GRID2: variants seen among roughly 807,000 people sequenced by gnomAD.
GRID2 encodes the protein glutamate ionotropic receptor delta type subunit 2.
GRID2 carries 33 observed loss-of-function variants against 114.8 expected under a neutral mutation model. The ratio of observed to expected loss-of-function variants is 0.29; its 90% CI spans 0.22 to 0.38. GRID2 has a LOEUF of 0.38. Ranked by LOEUF, GRID2 falls within the 10% of genes least tolerant of loss-of-function variation. The pLI is 1.00. For missense variants in GRID2, 1,184 were observed against 1,257.7 expected (o/e 0.94, Z 0.89); for synonymous variants, 505 against 449.9 (o/e 1.12, Z -1.55).
intron 3 of GRID2, among the ~76,000 whole-genome samples, chr4:93,091,607 A>G (rs1288559668): frequency 6.6e-6 from 1 of 152,076 alleles, no homozygotes; most frequent in Non-Finnish European, 1.5e-5. Context: ...ATTTCATCCT[A>G]ATAACTGTGA....
intron 2 of GRID2, among the ~76,000 whole-genome samples, chr4:92,905,024 CTT>C (rs540670679): frequency 2.2e-3 from 337 of 152,042 alleles, no homozygotes; most frequent in African/African-American, 7.6e-3. Context: ...CTCTTGTGAC[CTT>C]TTAGGAATAC....
intron 13 of GRID2, among the ~76,000 whole-genome samples, chr4:93,525,644 A>C (rs1370537441): frequency 6.6e-6 from 1 of 152,188 alleles, no homozygotes; most frequent in African/African-American, 2.4e-5. Flanking sequence ...TTCTGGAATG[A>C]ATATTCAGTG....
chr4:93,459,039 G>C (rs1214106724), intron 11 of GRID2, among the ~76,000 whole-genome samples: 2 of 151,936 alleles, frequency 1.3e-5, no homozygotes, highest in African/African-American at 4.8e-5. Context: ...AAAATGCCAG[G>C]CATGGTGGTG....
At chr4:93,280,105 T>A (rs552918243) in intron 8 of GRID2, among the ~76,000 whole-genome samples, 2 of 152,004 alleles carry the variant, frequency 1.3e-5, no homozygotes, top group African/African-American at 4.8e-5. Context: ...CAGGAGAAGT[T>A]TGGTATCTGT....
intron 2 of GRID2, among the ~76,000 whole-genome samples, chr4:93,020,799 G>A (rs1489169628): frequency 2.6e-5 from 4 of 152,086 alleles, no homozygotes; most frequent in Admixed American, 2.6e-4. Flanking sequence ...TTGGAAGGCC[G>A]AGGCGGGCAG....
At chr4:92,658,016 T>G (rs1020260999) in intron 2 of GRID2, among the ~76,000 whole-genome samples, 17 of 151,826 alleles carry the variant, frequency 1.1e-4, no homozygotes, top group Middle Eastern at 3.2e-3. Flanking sequence ...TGTGATTGTT[T>G]ATGATATCAT....
At chr4:93,375,887 C>T (rs1477195904) in intron 8 of GRID2, among the ~76,000 whole-genome samples, 2 of 152,114 alleles carry the variant, frequency 1.3e-5, no homozygotes, top group African/African-American at 2.4e-5. Context: ...ATTCCACAGA[C>T]CAAGTGGCTG....
At chr4:92,917,657 T>A (rs1013219391) in intron 2 of GRID2, among the ~76,000 whole-genome samples, 14 of 152,204 alleles carry the variant, frequency 9.2e-5, no homozygotes, top group Non-Finnish European at 1.5e-4. Context: ...ATCAGATAGT[T>A]GTAGATATGT....
chr4:93,170,384 C>T (rs919936749), intron 4 of GRID2, among the ~76,000 whole-genome samples: 4 of 151,992 alleles, frequency 2.6e-5, no homozygotes, highest in Admixed American at 2.6e-4. Flanking sequence ...GTGCTGGGCC[C>T]CCCCCTTTTT....
At chr4:93,340,803 G>A (rs1759569797) in intron 8 of GRID2, among the ~76,000 whole-genome samples, 1 of 152,110 alleles carries the variant, frequency 6.6e-6, no homozygotes, top group Admixed American at 6.6e-5. Context: ...CTCTTTGGAG[G>A]GAAAATTGAA....
chr4:92,943,165 T>A (rs1751311284), intron 2 of GRID2, among the ~76,000 whole-genome samples: 1 of 152,208 alleles, frequency 6.6e-6, no homozygotes, highest in South Asian at 2.1e-4. Flanking sequence ...TGCAGGGTGT[T>A]TTCCAGCTGG....
chr4:93,000,933 T>G (rs2149216678), intron 2 of GRID2, among the ~76,000 whole-genome samples: 1 of 151,554 alleles, frequency 6.6e-6, no homozygotes, highest in East Asian at 1.9e-4. Context: ...TAACTAAATA[T>G]ACCCTGTGAA....
chr4:92,441,929 G>A (rs573274186), intron 1 of GRID2, among the ~76,000 whole-genome samples: 1 of 151,924 alleles, frequency 6.6e-6, no homozygotes, highest in Non-Finnish European at 1.5e-5. Flanking sequence ...TAGTTAAAGT[G>A]TCTCAGCCTA....
intron 2 of GRID2, among the ~76,000 whole-genome samples, chr4:92,613,455 T>C (rs1355201307): frequency 1.3e-5 from 2 of 151,518 alleles, no homozygotes; most frequent in Non-Finnish European, 3.0e-5. Flanking sequence ...AGTCTGCCTT[T>C]CCCTTTTGTT....
At chr4:92,905,844 A>G (rs1264608371) in intron 2 of GRID2, among the ~76,000 whole-genome samples, 1 of 152,072 alleles carries the variant, frequency 6.6e-6, no homozygotes, top group Non-Finnish European at 1.5e-5. Flanking sequence ...TAGAGATTTA[A>G]GGTAAACTGT....
intron 14 of GRID2, among the ~76,000 whole-genome samples, chr4:93,762,399 C>A (rs1279396267): frequency 2.0e-5 from 3 of 152,100 alleles, no homozygotes; most frequent in African/African-American, 7.2e-5. Flanking sequence ...TTTCTACCCC[C>A]AAATTGCCTC....
At chr4:93,799,022 G>C (rs1008407117) in intron 1 of GRID2, among the ~76,000 whole-genome samples, 1 of 152,174 alleles carries the variant, frequency 6.6e-6, no homozygotes, top group Non-Finnish European at 1.5e-5. Context: ...CAGGAGCTCC[G>C]ATCTCAGCTC....
At chr4:92,809,895 C>T (rs535914638) in intron 2 of GRID2, among the ~76,000 whole-genome samples, 4 of 151,974 alleles carry the variant, frequency 2.6e-5, no homozygotes, top group South Asian at 2.1e-4. Context: ...GAAGTATAAA[C>T]TTAATAATTC....
chr4:92,874,753 T>A (rs1036248065), intron 2 of GRID2, among the ~76,000 whole-genome samples: 4 of 152,226 alleles, frequency 2.6e-5, no homozygotes, highest in African/African-American at 4.8e-5. Flanking sequence ...ACAAGCTGAC[T>A]TGTAGATGTA....
Sources: gnomAD v4.1 joint callset for allele counts (sites outside exome capture counted in the v4.1 genomes callset) on GRCh38, gnomAD v4.1.1 for gene constraint, MANE v1.5 for transcripts, NCBI Gene and HGNC (gene_info 2026-07-23, HGNC 2026-07-21) for gene names.